SPNS3: variants seen among roughly 807,000 people sequenced by gnomAD.
The protein encoded by SPNS3 is SPNS lysolipid transporter 3, sphingosine-1-phosphate (putative).
In SPNS3, 51 loss-of-function variants were observed where a neutral mutation model predicts 54.4. That is an observed-to-expected ratio of 0.94 (90% CI 0.75 to 1.18). The LOEUF is 1.18. Among genes scored for constraint, SPNS3 ranks in the 50% most tolerant of loss-of-function variants. The pLI, the probability that SPNS3 is intolerant of heterozygous loss-of-function variation, is 0.00. For missense variants in SPNS3, 669 were observed against 677.4 expected (o/e 0.99, Z 0.14); for synonymous variants, 309 against 294.7 (o/e 1.05, Z -0.50).
intron 2 of SPNS3, among the ~76,000 whole-genome samples, chr17:4,442,670 C>T (rs1970883499): frequency 1.3e-5 from 2 of 152,146 alleles, no homozygotes; most frequent in South Asian, 4.1e-4. Flanking sequence ...ACTGACTTGG[C>T]CCTTACCACA....
chr17:4,475,501 T>G (rs1007516102), intron 8 of SPNS3, among the ~76,000 whole-genome samples: 3 of 151,996 alleles, frequency 2.0e-5, no homozygotes, highest in Non-Finnish European at 4.4e-5. Context: ...GAGGAAGGCA[T>G]GTAGGGACCC....
At chr17:4,441,376 A>C (rs987316377) in intron 2 of SPNS3, among the ~76,000 whole-genome samples, 2 of 152,118 alleles carry the variant, frequency 1.3e-5, no homozygotes, top group African/African-American at 4.8e-5. Context: ...GGAAAAAAAA[A>C]AGACAAAAGA....
intron 2 of SPNS3, among the ~76,000 whole-genome samples, chr17:4,444,245 T>C (rs1970923404): frequency 6.6e-6 from 1 of 151,778 alleles, no homozygotes; most frequent in Admixed American, 6.6e-5. Context: ...GACCAAGTCT[T>C]GCTCTGTCGC....
intron 9 of SPNS3, among the ~76,000 whole-genome samples, chr17:4,480,733 A>G (rs3816687): frequency 0.29 from 43,518 of 152,016 alleles, 8,580 homozygotes; most frequent in East Asian, 0.71. Flanking sequence ...CCATTTGGGG[A>G]GCTGCCCAGG....
intron 8 of SPNS3, among the ~76,000 whole-genome samples, chr17:4,461,085 CT>C (rs372156361): frequency 5.3e-4 from 80 of 152,126 alleles, no homozygotes; most frequent in African/African-American, 1.8e-3. Flanking sequence ...TAGTTTGTAT[CT>C]TTTTAGGAAT....
intron 11 of SPNS3, among the ~76,000 whole-genome samples, chr17:4,487,220 C>T (rs530899047): frequency 2.4e-4 from 36 of 150,568 alleles, no homozygotes; most frequent in Admixed American, 9.3e-4. Flanking sequence ...CTGCAAGGAT[C>T]CCCACTGCAC....
chr17:4,446,190 C>G lies in SPNS3; in HGVS notation c.545C>G (p.Pro182Arg), dbSNP rs200431839. ...RVLAVFYIFI[P>R]VGSGLGYVLG... ...CTGGCTGTCTTCTACATCTTTATCC[C>G]CGTTGGAAGGTTGGTATCACCCGTG... The change falls in exon 4 of 12, where the codon CCC becomes CGC. Residue 182 changes from proline to arginine, a missense_variant. Pro to Arg is a moderately radical substitution (Grantham distance 103). Transcript: ENST00000355530. 19 of 1,609,674 alleles carry G rather than the reference C, an allele frequency of 1.2e-5. No homozygotes were observed.
At chr17:4,463,414 A>AAG (rs1193556910) in intron 8 of SPNS3, among the ~76,000 whole-genome samples, 2 of 149,640 alleles carry the variant, frequency 1.3e-5, no homozygotes, top group African/African-American at 4.9e-5. Context: ...AAAAAAAACA[A>AAG]AACAAAACAA....
Position 4,487,975 on chromosome 17 carries a change from C to A in SPNS3, c.*81C>A. 3 of 1,261,122 alleles carry A rather than the reference C, an allele frequency of 2.4e-6. No homozygotes were observed. Among genetic ancestry groups the A allele is most frequent in the Non-Finnish European group, 3.4e-6 (3 of 869,706 alleles). 78.1% of individuals were successfully genotyped at this position (1,261,122 alleles called of 1,614,324 possible). On this transcript the variant is annotated 3_prime_UTR_variant, in exon 12 of 12. Transcript: ENST00000355530. ...AGTGCCTCGGTTCCTCTTTGGCTGT[C>A]CTCGGGGACTCCGGCTGAGGCACAT...
At chr17:4,481,122 G>A (rs760272494) in intron 9 of SPNS3, among the ~76,000 whole-genome samples, 8 of 152,092 alleles carry the variant, frequency 5.3e-5, no homozygotes, top group Non-Finnish European at 1.2e-4. Flanking sequence ...GGAGCAAAGG[G>A]CATGGTAGCT....
chr17:4,443,131 T>G (rs1028461277), intron 2 of SPNS3, among the ~76,000 whole-genome samples: 4 of 152,112 alleles, frequency 2.6e-5, no homozygotes, highest in Admixed American at 2.0e-4. Context: ...AGTGCAGTGG[T>G]GCGATCTCAG....
chr17:4,478,772 T>C (rs965305657), intron 9 of SPNS3, 135 bp downstream of exon 9: 9 of 828,470 alleles, frequency 1.1e-5, no homozygotes, highest in Middle Eastern at 3.6e-4. Context: ...CACGGTTATC[T>C]TGGACCAGAG....
At chr17:4,459,712 CTAAATAAA>C (rs1417576517) in intron 8 of SPNS3, among the ~76,000 whole-genome samples, 1 of 151,838 alleles carries the variant, frequency 6.6e-6, no homozygotes, top group East Asian at 1.9e-4. Flanking sequence ...GACTCCATGT[CTAAATAAA>C]TAAATAAATA....
At chr17:4,447,063 AT>A in intron 5 of SPNS3, 101 bp downstream of exon 5, 1 of 1,133,558 alleles carries the variant, frequency 8.8e-7, no homozygotes, top group Non-Finnish European at 1.2e-6. Flanking sequence ...ACCCGGCGCC[AT>A]TAGGGGGACG....
chr17:4,469,314 T>C (rs1971792517), intron 8 of SPNS3, among the ~76,000 whole-genome samples: 1 of 152,036 alleles, frequency 6.6e-6, no homozygotes, highest in African/African-American at 2.4e-5. Flanking sequence ...CTGGAACTAC[T>C]GGGCTTGAGT....
chr17:4,473,793 C>T lies in SPNS3; in HGVS notation c.1114-4779C>T, dbSNP rs548465217. ...TTGCAGGGTGGTTGGCAGAGATCAGCCAGGACGTGGTCCACCATAGCTGTC... is the reference window on the plus strand; with the variant it reads ...TTGCAGGGTGGTTGGCAGAGATCAGTCAGGACGTGGTCCACCATAGCTGTC... On this transcript the variant is annotated intron_variant, in intron 8 of 11. Transcript: ENST00000355530. 3.9e-5 allele frequency among the ~76,000 whole-genome samples: 6 copies of T among 152,280 alleles called. No homozygotes were observed. The South Asian group carries it at 1.2e-3, about 32-fold the overall frequency.
At position 4,483,244 on chromosome 17, in the gene SPNS3, C is replaced by T. The variant is rs115523439; in HGVS notation, c.1180-2984C>T. On this transcript the variant is annotated intron_variant, in intron 9 of 11. Coordinates refer to ENST00000355530, the MANE Select transcript of SPNS3 (RefSeq NM_182538.5). This position sits in a 1 kb window ranked among gnomAD's most constrained non-coding sequence, Gnocchi z 4.2. ...CCTTGGGTGGCCCTGGTTTCGCCCTCGGCTATAAAGGGAACGGCCCTTCTA... is the reference window on the plus strand; with the variant it reads ...CCTTGGGTGGCCCTGGTTTCGCCCTTGGCTATAAAGGGAACGGCCCTTCTA... Among the ~76,000 whole-genome samples the T allele has an allele frequency of 6.6e-6, 1 of 152,100 alleles. No homozygotes were observed. The highest frequency in any genetic ancestry group is 2.4e-5 in the African/African-American group (1 of 41,398).
chr17:4,438,577 A>G (rs908541293), intron 1 of SPNS3, among the ~76,000 whole-genome samples: 2 of 152,198 alleles, frequency 1.3e-5, no homozygotes, highest in East Asian at 1.9e-4. Flanking sequence ...TTCTCTCTCT[A>G]CATTAGGCTG....
intron 8 of SPNS3, among the ~76,000 whole-genome samples, chr17:4,456,621 G>T (rs1275742113): frequency 6.6e-6 from 1 of 152,066 alleles, no homozygotes; most frequent in East Asian, 1.9e-4. Context: ...TACCTTTCAG[G>T]TTCAAGCAAT....
Sources: gnomAD v4.1 joint callset for allele counts (sites outside exome capture counted in the v4.1 genomes callset) on GRCh38, gnomAD v4.1.1 for gene constraint, Gnocchi (gnomAD v3.1) non-coding constraint, MANE v1.5 for transcripts, NCBI Gene and HGNC (gene_info 2026-07-23, HGNC 2026-07-21) for gene names.